The following MTBP variants were observed in gnomAD, a reference collection of about 807,000 sequenced individuals.
MTBP encodes the protein mdm2-binding protein.
In MTBP, 101 loss-of-function variants were observed where a neutral mutation model predicts 117.0. The ratio of observed to expected loss-of-function variants is 0.86; its 90% CI spans 0.73 to 1.02. MTBP has a LOEUF of 1.02. Ranked by LOEUF, MTBP falls within the 50% of genes least tolerant of loss-of-function variation. The pLI is 0.00. For missense variants in MTBP, 970 were observed against 1,030.9 expected (o/e 0.94, Z 0.81); for synonymous variants, 350 against 351.5 (o/e 1.00, Z 0.05).
In MTBP at chr8:120,506,819, G is replaced by C. The variant is rs766909872; in HGVS notation, c.1841G>C (p.Gly614Ala). 6.2e-7 allele frequency: 1 copy of C among 1,613,380 alleles called. No individual in the cohort carries two copies. Among genetic ancestry groups the C allele is most frequent in the South Asian group, 1.1e-5 (1 of 90,980 alleles). ...TTGCTGAAGTACTTTACCTCAGATG[G>C]ATTACCCATTGGAGATCTTCAACCT... ...KELLKYFTSDGLPIGDLQPLP... is the reference protein window; with the variant it reads ...KELLKYFTSDALPIGDLQPLP... Residue 614 changes from glycine (G) to alanine (A), a missense_variant, in exon 16 of 22, where the codon GGA becomes GCA. By Grantham distance (60) the Gly-to-Ala change is moderately conservative. Coordinates refer to ENST00000305949, the MANE Select transcript of MTBP (RefSeq NM_022045.5).
chr8:120,491,039 A>T (rs747687735), intron 13 of MTBP, among the ~76,000 whole-genome samples: 11 of 152,136 alleles, frequency 7.2e-5, no homozygotes, highest in Non-Finnish European at 1.2e-4. Context: ...TTCATGTACT[A>T]AGTGACATTG....
At chr8:120,484,423 A>G (rs1429001529) in intron 11 of MTBP, among the ~76,000 whole-genome samples, 3 of 152,104 alleles carry the variant, frequency 2.0e-5, no homozygotes, top group African/African-American at 7.2e-5. Context: ...GTATCTTCCT[A>G]TCTATGAAAT....
chr8:120,518,638 A>T, intron 19 of MTBP, 66 bp from the exon 20 acceptor site: 1 of 1,073,406 alleles, frequency 9.3e-7, no homozygotes, highest in Non-Finnish European at 1.4e-6. Flanking sequence ...ATTGAACTCT[A>T]AAGCTGAAAT....
intron 2 of MTBP, among the ~76,000 whole-genome samples, chr8:120,449,967 C>G (rs1813303463): frequency 6.6e-6 from 1 of 152,034 alleles, no homozygotes; most frequent in Non-Finnish European, 1.5e-5. Flanking sequence ...TGGACAGTAC[C>G]TTCAGAAGTT....
intron 20 of MTBP, among the ~76,000 whole-genome samples, chr8:120,520,001 T>A (rs566391115): frequency 6.6e-6 from 1 of 152,146 alleles, no homozygotes; most frequent in Admixed American, 6.6e-5. Flanking sequence ...ACTGGCCATC[T>A]TGTCACTCTA....
chr8:120,481,008 A>G (rs1313847676), intron 11 of MTBP, among the ~76,000 whole-genome samples: 2 of 152,226 alleles, frequency 1.3e-5, no homozygotes, highest in African/African-American at 4.8e-5. Context: ...AACCCAGTTA[A>G]TAAGTGAGTG....
chr8:120,479,688 A>G (rs977981652), intron 11 of MTBP, among the ~76,000 whole-genome samples: 3 of 152,248 alleles, frequency 2.0e-5, no homozygotes, highest in African/African-American at 7.2e-5. Flanking sequence ...GACAACAGAA[A>G]GAATCCTGAG....
intron 11 of MTBP, among the ~76,000 whole-genome samples, chr8:120,485,910 G>A (rs755788391): frequency 1.3e-5 from 2 of 152,128 alleles, no homozygotes; most frequent in Non-Finnish European, 2.9e-5. Context: ...GAATCCAGTG[G>A]TCTCAACCTG....
At chr8:120,453,068 T>C (rs1187445222) in intron 4 of MTBP, among the ~76,000 whole-genome samples, 2 of 152,140 alleles carry the variant, frequency 1.3e-5, no homozygotes, top group Non-Finnish European at 2.9e-5. Context: ...GAAGAGGGCG[T>C]CATATTCTTT....
chr8:120,463,009 G>T (rs542022487), intron 9 of MTBP, among the ~76,000 whole-genome samples: 11 of 151,994 alleles, frequency 7.2e-5, no homozygotes, highest in African/African-American at 2.2e-4. Context: ...CTACCATTAT[G>T]TTAAGAAAAG....
In MTBP at chr8:120,490,575, G is replaced by GT; in HGVS notation, c.1447+6dup. ...TAGCTTTGGAAGAATGCCTAAGTAAGTAACAATTTGTGTATTTTATCCTAC... is the reference window on the plus strand; with the variant it reads ...TAGCTTTGGAAGAATGCCTAAGTAAGTTAACAATTTGTGTATTTTATCCTAC... On this transcript the variant is annotated splice_donor_region_variant and intron_variant, in intron 13 of 21. Coordinates refer to ENST00000305949, the MANE Select transcript of MTBP (RefSeq NM_022045.5). 2 of 1,555,082 alleles carry GT rather than the reference G, an allele frequency of 1.3e-6. No homozygotes were observed. Among genetic ancestry groups the GT allele is most frequent in the Non-Finnish European group, 1.8e-6 (2 of 1,138,168 alleles).
intron 11 of MTBP, among the ~76,000 whole-genome samples, chr8:120,476,582 A>C (rs1180171720): frequency 1.3e-5 from 2 of 152,170 alleles, no homozygotes; most frequent in Non-Finnish European, 2.9e-5. Context: ...ATCAATGTGC[A>C]AAAATTACAA....
At chr8:120,495,972 C>T (rs1021124590) in intron 13 of MTBP, among the ~76,000 whole-genome samples, 5 of 152,110 alleles carry the variant, frequency 3.3e-5, no homozygotes, top group Non-Finnish European at 5.9e-5. Context: ...TCCCCCCCAA[C>T]ATTTGAACCA....
At chr8:120,497,581 A>T (rs1159720686) in intron 14 of MTBP, 27 bp downstream of exon 14, 1 of 1,199,598 alleles carries the variant, frequency 8.3e-7, no homozygotes, top group Non-Finnish European at 1.1e-6. Context: ...TTTAAATTTT[A>T]GTTCGTGTGT....
intron 11 of MTBP, among the ~76,000 whole-genome samples, chr8:120,486,088 G>A (rs1814207487): frequency 6.6e-6 from 1 of 151,936 alleles, no homozygotes; most frequent in Non-Finnish European, 1.5e-5. Flanking sequence ...CATTTTTGTG[G>A]CCATTCTTCG....
intron 1 of MTBP, among the ~76,000 whole-genome samples, chr8:120,446,202 G>A (rs2130497716): frequency 6.6e-6 from 1 of 152,142 alleles, no homozygotes; most frequent in East Asian, 1.9e-4. Context: ...TTATTCTTTT[G>A]AGGGGAATTT....
intron 12 of MTBP, among the ~76,000 whole-genome samples, chr8:120,489,044 C>T (rs199528191): frequency 2.0e-4 from 26 of 128,072 alleles, no homozygotes; most frequent in South Asian, 5.2e-4. Flanking sequence ...AGACTGACTT[C>T]TTTTTTTTTT....
chr8:120,515,062 T>C (rs192541595), intron 17 of MTBP, among the ~76,000 whole-genome samples: 2 of 152,040 alleles, frequency 1.3e-5, no homozygotes, highest in East Asian at 1.9e-4. Flanking sequence ...TCCTTGGGAG[T>C]TGAACTAAAT....
chr8:120,493,613 C>T (rs1267888480), intron 13 of MTBP, among the ~76,000 whole-genome samples: 3 of 152,022 alleles, frequency 2.0e-5, no homozygotes, highest in Non-Finnish European at 4.4e-5. Flanking sequence ...TCTTCAGCCT[C>T]CCAAGTAGCT....
Sources: gnomAD v4.1 joint callset for allele counts (sites outside exome capture counted in the v4.1 genomes callset) on GRCh38, gnomAD v4.1.1 for gene constraint, MANE v1.5 for transcripts, NCBI Gene and HGNC (gene_info 2026-07-23, HGNC 2026-07-21) for gene names.